Variants in CENATAC observed in about 807,000 individuals in gnomAD.
CENATAC encodes centrosomal AT-AC splicing factor.
CENATAC carries 53 observed loss-of-function variants against 53.7 expected under a neutral mutation model. The observed-to-expected ratio is 0.99, with a 90% CI of 0.79 to 1.24. The LOEUF is 1.24. Ranked by LOEUF, CENATAC falls within the 50% of genes most tolerant of loss-of-function variation. The pLI, the probability that CENATAC is intolerant of heterozygous loss-of-function variation, is 0.00. For missense variants in CENATAC, 474 were observed against 417.8 expected (o/e 1.13, Z -1.17); for synonymous variants, 156 against 144.6 (o/e 1.08, Z -0.57).
In CENATAC at chr11:118,998,314, C is replaced by T; in HGVS notation, c.117C>T (p.Pro39=). 1 of 1,609,732 alleles carries T rather than the reference C, an allele frequency of 6.2e-7. No homozygotes were observed. The highest frequency in any genetic ancestry group is 8.5e-7 in the Non-Finnish European group (1 of 1,178,164). The change falls in exon 1 of 11, where the codon CCC becomes CCT. Residue 39 remains proline, a synonymous_variant. Coordinates refer to ENST00000334418, the MANE Select transcript of CENATAC (RefSeq NM_198489.3). ...AGGAGGCTTTGGAGAGGCTCCTGCC[C>T]CAGGTGCGGAGGCAAGGCTAGAGAT... The part of the protein sequence containing the change: ...QLKEALERLL[P]QVEAARKAIR...
chr11:119,012,957 C>T (rs1237871794), intron 7 of CENATAC: 2 of 384,586 alleles, frequency 5.2e-6, no homozygotes, highest in African/African-American at 2.1e-5. Flanking sequence ...TATATGTATG[C>T]TGTGAGGGCA....
chr11:119,015,686 T>C lies in CENATAC; in HGVS notation c.*88T>C. 5 of 1,432,466 alleles carry C rather than the reference T, an allele frequency of 3.5e-6. No homozygotes were observed. The highest frequency in any genetic ancestry group is 4.9e-6 in the Non-Finnish European group (5 of 1,023,090). 88.7% of individuals were successfully genotyped at this position (1,432,466 alleles called of 1,614,324 possible). A position where few individuals can be genotyped will look rare whatever the true frequency, so the allele number is the denominator to read the frequency against. ...CCACCAAATTCTTTATCATTGTCTT[T>C]CTTAGGAAACAGACATACTCATTCA... On this transcript the variant is annotated 3_prime_UTR_variant, in exon 11 of 11. Coordinates refer to ENST00000334418, the MANE Select transcript of CENATAC (RefSeq NM_198489.3).
chr11:119,013,361 T>C, intron 8 of CENATAC, 99 bp downstream of exon 8: 1 of 853,462 alleles, frequency 1.2e-6, no homozygotes, highest in South Asian at 1.6e-5. Flanking sequence ...AGTGGCGCAA[T>C]CTCAGCTCGC....
chr11:119,006,360 CT>C (rs1195863088), intron 3 of CENATAC, among the ~76,000 whole-genome samples: 5 of 143,542 alleles, frequency 3.5e-5, no homozygotes, highest in Non-Finnish European at 6.0e-5. Context: ...CTCAGCCTCC[CT>C]GAGTAGCTGG....
intron 3 of CENATAC, among the ~76,000 whole-genome samples, chr11:119,005,514 C>A (rs1454932493): frequency 6.6e-6 from 1 of 151,036 alleles, no homozygotes; most frequent in African/African-American, 2.4e-5. Context: ...TTGTCATTTT[C>A]TTTTCCTCTG....
intron 7 of CENATAC, 114 bp from the exon 8 acceptor site, chr11:119,013,118 G>T: frequency 2.8e-6 from 2 of 727,176 alleles, no homozygotes; most frequent in Non-Finnish European, 4.7e-6. Flanking sequence ...TAGCATTGTG[G>T]CAGCAGTCAC....
At chr11:119,003,625 T>TTTTC (rs1431953849) in intron 3 of CENATAC, 18 of 195,990 alleles carry the variant, frequency 9.2e-5, no homozygotes, top group African/African-American at 4.5e-4. Context: ...CTCTCTCTTT[T>TTTTC]TTTTTTTTTT....
intron 3 of CENATAC, chr11:119,001,871 G>A (rs4558175): frequency 0.29 from 85,772 of 295,284 alleles, 14,234 homozygotes; most frequent in African/African-American, 0.47. Flanking sequence ...ATCCTGGGCA[G>A]TGTATCAAGA....
intron 8 of CENATAC, among the ~76,000 whole-genome samples, 184 bp downstream of exon 8, chr11:119,013,446 C>G (rs567552001): frequency 1.3e-5 from 2 of 150,368 alleles, no homozygotes; most frequent in South Asian, 2.1e-4. Context: ...CAGGTGTGCA[C>G]CACCACACCC....
intron 3 of CENATAC, among the ~76,000 whole-genome samples, chr11:119,006,488 G>A (rs1245646671): frequency 6.6e-6 from 1 of 152,098 alleles, no homozygotes; most frequent in Non-Finnish European, 1.5e-5. Context: ...CGCCTGCCTC[G>A]GCCTCCCAAA....
chr11:119,013,644 C>T (rs1211678496), intron 8 of CENATAC, among the ~76,000 whole-genome samples: 1 of 151,770 alleles, frequency 6.6e-6, no homozygotes, highest in African/African-American at 2.4e-5. Context: ...TTTGTATTTT[C>T]AGTAGAGACG....
chr11:119,001,684 C>CTGTGCAAG lies in CENATAC; in HGVS notation c.383+2575_383+2576insTGTGCAAG, dbSNP rs1353299170. 102 of 456,156 alleles carry CTGTGCAAG rather than the reference C, an allele frequency of 2.2e-4. No homozygotes were observed. In the East Asian group the frequency reaches 6.5e-3, roughly 29 times the overall value. 28.3% of individuals were successfully genotyped at this position (456,156 alleles called of 1,614,324 possible). A position where few individuals can be genotyped will look rare whatever the true frequency, so the allele number is the denominator to read the frequency against. On this transcript the variant is annotated intron_variant, in intron 3 of 10. Transcript: ENST00000334418. ...AAAAAAATTTTCAAGTGAACTCGTG[C>CTGTGCAAG]AGTTCAAACTTGTGCTGTGCAAGAG... is the stretch of plus-strand genomic sequence containing the variant.
chr11:118,998,603 G>A lies in CENATAC; in HGVS notation c.284+10G>A, dbSNP rs781836665. 1.3e-6 allele frequency: 2 copies of A among 1,555,162 alleles called. No homozygotes were observed. Among genetic ancestry groups the A allele is most frequent in the Non-Finnish European group, 1.7e-6 (2 of 1,148,818 alleles). On this transcript the variant is annotated intron_variant, in intron 2 of 10. Transcript: ENST00000334418. ...TGGAGCATCTGGCCAGGTGAGAGCC[G>A]AGCTAGGAGCCTGCTCCAGCACAGA... is the stretch of plus-strand genomic sequence containing the variant.
At position 118,998,165 on chromosome 11, in the gene CENATAC, C is replaced by A. The variant is rs782077310; in HGVS notation, c.-33C>A. The A allele has an allele frequency of 1.9e-5, 29 of 1,562,580 alleles. No homozygotes were observed. The highest frequency in any genetic ancestry group is 2.4e-5 in the Non-Finnish European group (28 of 1,157,290). ...AGGCCGCCGGATGGCGTAGGATCGG[C>A]CGCTGGTGGTGGTGATACCGGGTAC... On this transcript the variant is annotated 5_prime_UTR_variant, in exon 1 of 11. Transcript: ENST00000334418.
chr11:119,014,804 A>T (rs1943069934), intron 8 of CENATAC, 190 bp from the exon 9 acceptor site: 8 of 436,752 alleles, frequency 1.8e-5, no homozygotes, highest in Non-Finnish European at 2.8e-5. Context: ...AAGCCATTTT[A>T]AAATGACTGT....
At chr11:119,005,335 G>A (rs972020823) in intron 3 of CENATAC, among the ~76,000 whole-genome samples, 3 of 151,460 alleles carry the variant, frequency 2.0e-5, no homozygotes, top group Admixed American at 2.0e-4. Flanking sequence ...ACGAGGTGGT[G>A]GGTGTGTGTA....
In CENATAC at chr11:118,998,216, T is replaced by A. The variant is rs1291734519; in HGVS notation, c.19T>A (p.Cys7Ser). The A allele has an allele frequency of 2.5e-6, 4 of 1,582,058 alleles. No homozygotes were observed. The highest frequency in any genetic ancestry group is 3.4e-6 in the Non-Finnish European group (4 of 1,165,036). MAPAQRCPLCRQTFFCG... is the reference protein window; with the variant it reads MAPAQRSPLCRQTFFCG... ...CCGGGCTATGGCGCCGGCGCAGCGC[T>A]GCCCTCTGTGCCGCCAGACCTTCTT... Residue 7 changes from cysteine (C) to serine (S), a missense_variant, in exon 1 of 11, where the codon TGC (cysteine) becomes AGC (serine). Cys to Ser is a moderately radical substitution (Grantham distance 112). Transcript: ENST00000334418.
intron 6 of CENATAC, 71 bp from the exon 7 acceptor site, chr11:119,012,078 G>C (rs1274777517): frequency 1.2e-6 from 2 of 1,613,690 alleles, no homozygotes; most frequent in African/African-American, 2.7e-5. Flanking sequence ...CTGGGAAATG[G>C]AAACAGATCT....
At chr11:119,011,640 G>T (rs913687940) in intron 5 of CENATAC, among the ~76,000 whole-genome samples, 1 of 152,146 alleles carries the variant, frequency 6.6e-6, no homozygotes, top group African/African-American at 2.4e-5. Flanking sequence ...CAGCCTGCTG[G>T]AATTACAAGC....
Sources: gnomAD v4.1 joint callset for allele counts (sites outside exome capture counted in the v4.1 genomes callset) on GRCh38, gnomAD v4.1.1 for gene constraint, MANE v1.5 for transcripts, NCBI Gene and HGNC (gene_info 2026-07-23, HGNC 2026-07-21) for gene names.